The following KCND3 variants were observed in gnomAD, a reference collection of about 807,000 sequenced individuals.
KCND3 encodes potassium voltage-gated channel subfamily D member 3.
KCND3 carries 9 observed loss-of-function variants against 51.1 expected under a neutral mutation model. The ratio of observed to expected loss-of-function variants is 0.18; its 90% CI spans 0.11 to 0.31. KCND3 has a LOEUF of 0.31. Ranked by LOEUF, KCND3 falls within the 10% of genes least tolerant of loss-of-function variation. The pLI is 1.00. For missense variants in KCND3, 526 were observed against 903.8 expected (o/e 0.58, Z 5.36); for synonymous variants, 349 against 368.0 (o/e 0.95, Z 0.59).
At chr1:111,935,370 C>T (rs1329465298) in intron 2 of KCND3, among the ~76,000 whole-genome samples, 1 of 152,080 alleles carries the variant, frequency 6.6e-6, no homozygotes, top group Non-Finnish European at 1.5e-5. Context: ...TTTGTGCAAC[C>T]ACCTGCTTCC....
At chr1:111,917,160 AT>A (rs1367130707) in intron 2 of KCND3, among the ~76,000 whole-genome samples, 1 of 152,158 alleles carries the variant, frequency 6.6e-6, no homozygotes, top group Non-Finnish European at 1.5e-5. Context: ...CTCGATATTT[AT>A]TTTCTCCCTT....
rs1261318385 is a variant in KCND3 at position 111,982,090 on chromosome 1, T to C, written c.637A>G (p.Ser213Gly). 3 of 1,613,676 alleles carry C rather than the reference T, an allele frequency of 1.9e-6. No individual in the cohort carries two copies. The South Asian group carries it at 3.3e-5, about 18-fold the overall frequency. The stretch of plus-strand genomic sequence containing the variant: ...CGCTCCCCGCACGGCAGCTCCTTGC[T>C]GCCCGGGACCGTGCCGCACGGCACC... ...ETVPCGTVPG[S>G]KELPCGERYS... The change falls in exon 2 of 8, where the codon AGC (serine) becomes GGC (glycine). Residue 213 changes from serine to glycine, a missense_variant. Physicochemically the swap from Ser to Gly is moderately conservative, Grantham distance 56. Around this residue, in one of 5 missense-constraint regions of KCND3, gnomAD observed 51 missense variants for 84.7 expected, o/e 0.60. Transcript: ENST00000302127. The surrounding 1 kb of genome is among the most constrained non-coding windows in gnomAD (Gnocchi z 8.5).
At chr1:111,912,819 C>T (rs546075010) in intron 2 of KCND3, among the ~76,000 whole-genome samples, 18 of 152,146 alleles carry the variant, frequency 1.2e-4, no homozygotes, top group Middle Eastern at 3.4e-3. Flanking sequence ...TTTTTTATAA[C>T]GGTACAACGT....
At chr1:111,930,275 C>CT (rs1388161515) in intron 2 of KCND3, among the ~76,000 whole-genome samples, 7 of 151,974 alleles carry the variant, frequency 4.6e-5, no homozygotes, top group African/African-American at 1.5e-4. Context: ...AATCCTGGGG[C>CT]TGGAGGGAAC....
At position 111,824,436 on chromosome 1, in the gene KCND3, A is replaced by G. The variant is rs544895748; in HGVS notation, c.1107-37330T>C. 2.9e-4 allele frequency among the ~76,000 whole-genome samples: 44 copies of G among 152,208 alleles called. No homozygotes were observed. The South Asian group carries it at 9.1e-3, about 32-fold the overall frequency. On this transcript the variant is annotated intron_variant, in intron 2 of 7. Transcript: ENST00000302127. ...CCTGGTGATTCTGCCATACCCACAC[A>G]CCACTTGCATTACTGAATTCTAGCC... is the stretch of plus-strand genomic sequence containing the variant.
intron 2 of KCND3, among the ~76,000 whole-genome samples, chr1:111,794,518 A>C (rs1664975475): frequency 6.6e-6 from 1 of 152,210 alleles, no homozygotes; most frequent in Non-Finnish European, 1.5e-5. Context: ...CCACTGCTGC[A>C]CCTATCTTCT....
chr1:111,849,965 C>A (rs983058294), intron 2 of KCND3, among the ~76,000 whole-genome samples: 33 of 152,240 alleles, frequency 2.2e-4, no homozygotes, highest in Admixed American at 2.1e-3. Flanking sequence ...TATCTTCCAT[C>A]GGATCTCCCT....
At chr1:111,920,042 C>T (rs1671404737) in intron 2 of KCND3, among the ~76,000 whole-genome samples, 1 of 152,254 alleles carries the variant, frequency 6.6e-6, no homozygotes. Flanking sequence ...TGAAGGACAG[C>T]TTTGCCCCCA....
intron 2 of KCND3, among the ~76,000 whole-genome samples, chr1:111,881,559 C>G (rs1669321414): frequency 6.6e-6 from 1 of 152,228 alleles, no homozygotes; most frequent in African/African-American, 2.4e-5. Flanking sequence ...AATGAATCCT[C>G]TTTGTGCTAT....
At chr1:111,916,455 T>C (rs1206426745) in intron 2 of KCND3, among the ~76,000 whole-genome samples, 1 of 152,188 alleles carries the variant, frequency 6.6e-6, no homozygotes, top group Non-Finnish European at 1.5e-5. Flanking sequence ...TAAATGTTTA[T>C]ACTGGAAAAT....
At chr1:111,819,920 C>T (rs189681073) in intron 2 of KCND3, among the ~76,000 whole-genome samples, 52 of 152,300 alleles carry the variant, frequency 3.4e-4, no homozygotes, top group African/African-American at 1.1e-3. Context: ...GAAAGCTTTC[C>T]TTGGGCTTCA....
chr1:111,947,030 A>C (rs1029528133), intron 2 of KCND3, among the ~76,000 whole-genome samples: 2 of 152,138 alleles, frequency 1.3e-5, no homozygotes, highest in Non-Finnish European at 2.9e-5. Context: ...AGTCTCTTGT[A>C]GGCTGCATAG....
intron 2 of KCND3, among the ~76,000 whole-genome samples, chr1:111,898,629 GT>G (rs1670239713): frequency 6.6e-6 from 1 of 152,194 alleles, no homozygotes; most frequent in Non-Finnish European, 1.5e-5. Flanking sequence ...AAAGTCATGT[GT>G]TTACTGTTAT....
chr1:111,969,842 A>G (rs990972754), intron 2 of KCND3, among the ~76,000 whole-genome samples: 1 of 151,994 alleles, frequency 6.6e-6, no homozygotes, highest in Admixed American at 6.5e-5. Context: ...CTCCATCTCA[A>G]AACCAACTGC....
chr1:111,775,819 A>AACCCCCCCCCCCCCCCCCCCTCCCCCCC lies in KCND3; in HGVS notation c.*257_*258insGGGGGGGAGGGGGGGGGGGGGGGGGGGT. The AACCCCCCCCCCCCCCCCCCCTCCCCCCC allele has an allele frequency of 1.0e-5, 1 of 97,706 alleles. No homozygotes were observed. The highest frequency in any genetic ancestry group is 2.0e-5 in the Non-Finnish European group (1 of 51,262). 6.1% of individuals were successfully genotyped at this position (97,706 alleles called of 1,614,324 possible). ...GCCTATATCCCCCGGCCTATCCCCG[A>AACCCCCCCCCCCCCCCCCCCTCCCCCCC]CCCCCCCACCCTCCCTCCCTTCCTC... On this transcript the variant is annotated 3_prime_UTR_variant, in exon 8 of 8. Transcript: ENST00000302127.
intron 2 of KCND3, among the ~76,000 whole-genome samples, chr1:111,969,722 T>C (rs1237446109): frequency 2.0e-5 from 3 of 152,202 alleles, no homozygotes; most frequent in Admixed American, 6.5e-5. Context: ...TTCTACTCAT[T>C]CAATCTTCAG....
chr1:111,770,897 G>A lies in KCND3; in HGVS notation c.*5180C>T, dbSNP rs1663889225. ...TTCTTTGCCATTGTGATGTTGATAA[G>A]CAAAGCCCATTTATTATACGAAAAT... On this transcript the variant is annotated 3_prime_UTR_variant, in exon 8 of 8. Transcript: ENST00000302127. The A allele has an allele frequency of 6.6e-6, 1 of 151,832 alleles. No homozygotes were observed. Among genetic ancestry groups the A allele is most frequent in the African/African-American group, 2.4e-5 (1 of 41,302 alleles). The allele number at this position is 151,832 out of a possible 1,614,324, so 9.4% of individuals were successfully genotyped here. A position where few individuals can be genotyped will look rare whatever the true frequency, so the allele number is the denominator to read the frequency against.
intron 2 of KCND3, among the ~76,000 whole-genome samples, chr1:111,853,047 C>A (rs1335955380): frequency 6.6e-6 from 1 of 152,184 alleles, no homozygotes; most frequent in Admixed American, 6.5e-5. Context: ...CATGAATTAT[C>A]CACTGATCCT....
At position 111,904,095 on chromosome 1, in the gene KCND3, G is replaced by T. The variant is rs199796120; in HGVS notation, c.1106+77526C>A. On this transcript the variant is annotated intron_variant, in intron 2 of 7. Coordinates refer to ENST00000302127, the MANE Select transcript of KCND3 (RefSeq NM_001378969.1). ...ATGTCTTTTTGGAGGTTGGTTTTTT[G>T]TTTTTTTTTTTTTTGTCCATTAACC... is the stretch of plus-strand genomic sequence containing the variant. 2.9e-4 allele frequency among the ~76,000 whole-genome samples: 37 copies of T among 128,094 alleles called. No homozygotes were observed. The South Asian group carries it at 6.7e-3, about 23-fold the overall frequency. The allele number at this position is 128,094 out of a possible 152,430, so 84.0% of individuals were successfully genotyped here. A position where few individuals can be genotyped will look rare whatever the true frequency, so the allele number is the denominator to read the frequency against.
Sources: allele counts gnomAD v4.1 joint callset (sites outside exome capture counted in the v4.1 genomes callset), GRCh38; gene constraint gnomAD v4.1.1; regional missense constraint gnomAD v4.1.1; non-coding constraint Gnocchi (gnomAD v3.1); transcripts MANE v1.5; gene names NCBI Gene and HGNC (gene_info 2026-07-23, HGNC 2026-07-21).